Variants in PRKN observed in about 807,000 individuals in gnomAD.
The protein encoded by PRKN is E3 ubiquitin-protein ligase parkin.
In PRKN, 56 loss-of-function variants were observed where a neutral mutation model predicts 59.5. The ratio of observed to expected loss-of-function variants is 0.94; its 90% confidence interval spans 0.76 to 1.18. The LOEUF (loss-of-function observed/expected upper bound fraction) is 1.18. Ranked by LOEUF, PRKN falls within the 50% of genes most tolerant of loss-of-function variation. The pLI is 0.00. For missense variants in PRKN, 657 were observed against 596.4 expected, an observed-to-expected ratio of 1.10 and a Z score of -1.06; for synonymous variants, 250 against 222.1, an observed-to-expected ratio of 1.13 and a Z score of -1.12.
chr6:162,039,797 A>G lies in PRKN; in HGVS notation c.618+14294T>C, dbSNP rs374094970. Among the ~76,000 whole-genome samples the G allele has an allele frequency of 6.6e-4, 99 of 149,708 alleles. 1 individual carries two copies. Among genetic ancestry groups the G allele is most frequent in the African/African-American group, 2.2e-3 (90 of 40,474 alleles). ...CTATGACGTACACACACATATGCAC[A>G]CAAACAGACAGACAGACAGATGTAT... is the stretch of plus-strand genomic sequence containing the variant. On this transcript the variant is annotated intron_variant, in intron 5 of 11. Transcript: ENST00000366898.
chr6:162,395,010 A>C (rs1787402914), intron 2 of PRKN, among the ~76,000 whole-genome samples: 1 of 152,208 alleles, frequency 6.6e-6, no homozygotes, highest in African/African-American at 2.4e-5. Flanking sequence ...AAAGCTAACA[A>C]AGAAGTGTCC....
intron 2 of PRKN, among the ~76,000 whole-genome samples, chr6:162,420,926 G>A (rs539024995): frequency 6.6e-6 from 1 of 152,244 alleles, no homozygotes; most frequent in African/African-American, 2.4e-5. Flanking sequence ...TTAAAAACCA[G>A]AACAGCAAAC....
At chr6:161,382,541 G>T (rs1449374109) in intron 10 of PRKN, among the ~76,000 whole-genome samples, 1 of 152,198 alleles carries the variant, frequency 6.6e-6, no homozygotes, top group Non-Finnish European at 1.5e-5. Context: ...CAGTTTATGT[G>T]GCTTTTGCAA....
intron 6 of PRKN, among the ~76,000 whole-genome samples, chr6:161,887,561 T>G (rs1296014449): frequency 2.0e-5 from 3 of 152,224 alleles, no homozygotes; most frequent in African/African-American, 7.2e-5. Context: ...AAGGTCGTCA[T>G]GTATGATTGT....
intron 4 of PRKN, among the ~76,000 whole-genome samples, chr6:162,178,498 A>T (rs62437988): frequency 0.16 from 23,903 of 152,158 alleles, 2,133 homozygotes; most frequent in South Asian, 0.38. Flanking sequence ...CTCCAGACAC[A>T]CACACCTGAG....
intron 7 of PRKN, among the ~76,000 whole-genome samples, chr6:161,772,201 T>C (rs1048583560): frequency 6.6e-6 from 1 of 152,142 alleles, no homozygotes; most frequent in African/African-American, 2.4e-5. Context: ...AGGAATAATA[T>C]TTTTAAAATC....
Position 161,743,386 on chromosome 6 carries a change from T to TTTTATTTATTTATTTA in PRKN, c.871+42370_871+42385dup, listed in dbSNP as rs372492770. On this transcript the variant is annotated intron_variant, in intron 7 of 11. Coordinates refer to ENST00000366898, the MANE Select transcript of PRKN (RefSeq NM_004562.3). ...AGGCGCCCGCCACCACATCCAGCTT[T>TTTTATTTATTTATTTA]TTTATTTATTTATTTATTTATTTAT... 2.2e-3 allele frequency among the ~76,000 whole-genome samples: 307 copies of TTTTATTTATTTATTTA among 140,288 alleles called. 5 individuals carry two copies. Among genetic ancestry groups the TTTTATTTATTTATTTA allele is most frequent in the Middle Eastern group, 0.011 (3 of 278 alleles). 92.0% of individuals were successfully genotyped at this position (140,288 alleles called of 152,430 possible).
At position 161,480,218 on chromosome 6, in the gene PRKN, A is replaced by G. The variant is rs895821659; in HGVS notation, c.1083+68636T>C. ...TATATAATTTGTGAAGCCCAGTGCAAAACAAAGACACAGAGCCCCTTCTTC... is the reference window on the plus strand; with the variant it reads ...TATATAATTTGTGAAGCCCAGTGCAGAACAAAGACACAGAGCCCCTTCTTC... On this transcript the variant is annotated intron_variant, in intron 9 of 11. Coordinates refer to ENST00000366898, the MANE Select transcript of PRKN (RefSeq NM_004562.3). The surrounding 1 kb of genome is among the most constrained non-coding windows in gnomAD (Gnocchi z 4.1). Among the ~76,000 whole-genome samples the G allele has an allele frequency of 2.0e-5, 3 of 152,192 alleles. No homozygotes were observed. The highest frequency in any genetic ancestry group is 4.8e-5 in the African/African-American group (2 of 41,446).
chr6:161,823,735 T>C (rs1046115354), intron 6 of PRKN, among the ~76,000 whole-genome samples: 2 of 152,196 alleles, frequency 1.3e-5, no homozygotes, highest in Admixed American at 6.5e-5. Context: ...ACTCCCTTGG[T>C]GTGCAAACCC....
rs899112770 is a variant in PRKN, at chr6:161,399,404, G to A, written c.1084-12527C>T. Among the ~76,000 whole-genome samples the A allele has an allele frequency of 1.1e-4, 16 of 152,170 alleles. No homozygotes were observed. Among genetic ancestry groups the A allele is most frequent in the Admixed American group, 2.0e-4 (3 of 15,280 alleles). On this transcript the variant is annotated intron_variant, in intron 9 of 11. Transcript: ENST00000366898. The surrounding 1 kb of genome is among the most constrained non-coding windows in gnomAD (Gnocchi z 4.4). ...CTGCAGACAGCAAAATTAAAAGAGCGCACTGTAACACACAGCTAACTGGGC... is the reference window on the plus strand; with the variant it reads ...CTGCAGACAGCAAAATTAAAAGAGCACACTGTAACACACAGCTAACTGGGC...
At position 161,977,542 on chromosome 6, in the gene PRKN, G is replaced by GTTTTTTTTT. The variant is rs1554256833; in HGVS notation, c.619-4134_619-4126dup. ...ATCTTCTCTACTTTCTGTTTTTTTG[G>GTTTTTTTTT]TTTTTTTTTTTTTTTTTTTTTTTAA... On this transcript the variant is annotated intron_variant, in intron 5 of 11. Transcript: ENST00000366898. 1.6e-4 allele frequency among the ~76,000 whole-genome samples: 17 copies of GTTTTTTTTT among 104,520 alleles called. 2 individuals are homozygous for GTTTTTTTTT. The highest frequency in any genetic ancestry group is 5.2e-4 in the African/African-American group (14 of 26,922). 68.6% of individuals were successfully genotyped at this position (104,520 alleles called of 152,430 possible).
At chr6:162,727,360 T>G in intron 1 of PRKN, 3 of 399,488 alleles carry the variant, frequency 7.5e-6, no homozygotes, top group South Asian at 3.4e-5. Context: ...CCCCACACGG[T>G]CCGGGGGACC....
At chr6:161,671,469 A>G (rs7742566) in intron 7 of PRKN, among the ~76,000 whole-genome samples, 104,056 of 152,076 alleles carry the variant, frequency 0.68, 36,287 homozygotes, top group Middle Eastern at 0.79. Flanking sequence ...GAGTCGGAGT[A>G]TTCAACATTT....
Position 161,771,467 on chromosome 6 carries a change from G to A in PRKN, c.871+14305C>T, listed in dbSNP as rs114573145. 4.9e-3 allele frequency among the ~76,000 whole-genome samples: 746 copies of A among 152,078 alleles called. 10 individuals carry two copies. The highest frequency in any genetic ancestry group is 0.035 in the South Asian group (167 of 4,796). On this transcript the variant is annotated intron_variant, in intron 7 of 11. Transcript: ENST00000366898. ...TAGCAGCTTGGGGGAGGGATCAGGA[G>A]TGATGCTGAGGAAGTAAATAAGATT...
chr6:161,362,625 G>A lies in PRKN; in HGVS notation c.1168-2420C>T, dbSNP rs139827161. 5.8e-3 allele frequency among the ~76,000 whole-genome samples: 880 copies of A among 152,286 alleles called. 9 individuals are homozygous for A. The highest frequency in any genetic ancestry group is 0.025 in the East Asian group (132 of 5,186). On this transcript the variant is annotated intron_variant, in intron 10 of 11. Coordinates refer to ENST00000366898, the MANE Select transcript of PRKN (RefSeq NM_004562.3). The surrounding 1 kb of genome is among the most constrained non-coding windows in gnomAD (Gnocchi z 5.2). ...TGAACATTCCTAACCATCAGGCCTC[G>A]GACACGAGGGTTGGTGAAAAGAATT...
At position 161,953,752 on chromosome 6, in the gene PRKN, C is replaced by A. The variant is rs113762137; in HGVS notation, c.734+19550G>T. 3.7e-3 allele frequency among the ~76,000 whole-genome samples: 558 copies of A among 152,288 alleles called. 4 individuals carry two copies. Among genetic ancestry groups the A allele is most frequent in the African/African-American group, 9.2e-3 (384 of 41,562 alleles). On this transcript the variant is annotated intron_variant, in intron 6 of 11. Transcript: ENST00000366898. ...TCTACACACACATGTACATTCCGAACACATCAGCAGGAAGACTGGGCATCA... is the reference window on the plus strand; with the variant it reads ...TCTACACACACATGTACATTCCGAAAACATCAGCAGGAAGACTGGGCATCA...
rs1368255374 is a variant in PRKN at position 161,692,482 on chromosome 6, CTT to C, written c.871+93288_871+93289del. Among the ~76,000 whole-genome samples, 8 of 152,206 alleles carry C rather than the reference CTT, an allele frequency of 5.3e-5. No homozygotes were observed. In the East Asian group the frequency reaches 1.2e-3, roughly 22 times the overall value. On this transcript the variant is annotated intron_variant, in intron 7 of 11. Transcript: ENST00000366898. ...CAACAAGTAGGCAGTAATTTAAAGT[CTT>C]TTTTTGTGAGCTTGCCATTCTGCTC...
At chr6:162,375,742 T>TACACACACACACAC (rs60180187) in intron 2 of PRKN, among the ~76,000 whole-genome samples, 2,783 of 149,066 alleles carry the variant, frequency 0.019, 24 homozygotes, top group Admixed American at 0.02. Context: ...TATGGCTTTG[T>TACACACACACACAC]ACACACACAC....
At chr6:161,434,346 C>T (rs1215540375) in intron 9 of PRKN, among the ~76,000 whole-genome samples, 2 of 152,124 alleles carry the variant, frequency 1.3e-5, no homozygotes, top group African/African-American at 4.8e-5. Flanking sequence ...TTTTCCTCTG[C>T]CATTATCCCA....
Sources: allele counts gnomAD v4.1 joint callset (sites outside exome capture counted in the v4.1 genomes callset), GRCh38; gene constraint gnomAD v4.1.1; non-coding constraint Gnocchi (gnomAD v3.1); transcripts MANE v1.5; gene names NCBI Gene and HGNC (gene_info 2026-07-23, HGNC 2026-07-21).